EYS: variants seen among roughly 807,000 people sequenced by gnomAD.
The protein encoded by EYS is EGF-like photoreceptor maintenance factor.
A neutral mutation model predicts 282.1 loss-of-function variants in EYS; 250 were observed. That is an observed-to-expected ratio of 0.89 (90% CI 0.80 to 0.98). The LOEUF (loss-of-function observed/expected upper bound fraction) is 0.98, where lower values mean the gene tolerates loss of function less well. Among genes scored for constraint, EYS ranks in the 50% least tolerant of loss-of-function variants. The pLI, the probability that EYS is intolerant of heterozygous loss-of-function variation, is 0.00. For synonymous variants in EYS, 1,355 were observed against 1,282.9 expected (o/e 1.06, Z -1.20); for missense variants, 4,016 against 3,709.0 (o/e 1.08, Z -2.15).
intron 24 of EYS, among the ~76,000 whole-genome samples, chr6:64,616,149 C>A (rs999715299): frequency 6.6e-6 from 1 of 151,974 alleles, no homozygotes; most frequent in African/African-American, 2.4e-5. Flanking sequence ...TAGATTCCTA[C>A]GTATCTAAGG....
At chr6:64,600,522 T>C (rs1766731178) in intron 24 of EYS, among the ~76,000 whole-genome samples, 1 of 152,178 alleles carries the variant, frequency 6.6e-6, no homozygotes, top group Non-Finnish European at 1.5e-5. Flanking sequence ...GTTACTGGGC[T>C]AGATAAATAT....
intron 22 of EYS, among the ~76,000 whole-genome samples, chr6:64,768,279 T>C (rs1474311023): frequency 1.3e-5 from 2 of 152,076 alleles, no homozygotes; most frequent in East Asian, 3.9e-4. Flanking sequence ...AATAGAACAC[T>C]TTGAGAAATT....
chr6:63,803,692 T>C (rs766811707), intron 37 of EYS, among the ~76,000 whole-genome samples: 2 of 152,220 alleles, frequency 1.3e-5, no homozygotes, highest in Non-Finnish European at 2.9e-5. Context: ...TTTGTTCTTA[T>C]TGTGGTTATT....
chr6:64,159,089 A>G (rs956209764), intron 31 of EYS, among the ~76,000 whole-genome samples: 2 of 152,198 alleles, frequency 1.3e-5, no homozygotes, highest in African/African-American at 4.8e-5. Context: ...AAATCCCCAC[A>G]AATCCCCAAA....
chr6:64,446,327 C>A (rs1194684135), intron 26 of EYS, among the ~76,000 whole-genome samples: 11 of 151,930 alleles, frequency 7.2e-5, no homozygotes. Flanking sequence ...CTCTCTACTG[C>A]AACAGAGTTT....
intron 35 of EYS, among the ~76,000 whole-genome samples, chr6:63,946,454 T>C (rs868289395): frequency 1.3e-5 from 2 of 152,228 alleles, no homozygotes; most frequent in Middle Eastern, 3.2e-3. Context: ...TAGATTTTTT[T>C]AGTAGAAAGT....
In EYS at chr6:64,196,779, G is replaced by A. The variant is rs369117040; in HGVS notation, c.6424+33813C>T. On this transcript the variant is annotated intron_variant, in intron 31 of 42. Coordinates refer to ENST00000503581, the MANE Select transcript of EYS (RefSeq NM_001142800.2). ...GGAGGGGGGAGGGATAGCATTAGGA[G>A]ATATACCTAATGCTAAATGATGAGT... is the stretch of plus-strand genomic sequence containing the variant. Among the ~76,000 whole-genome samples, 3 of 151,010 alleles carry A rather than the reference G, an allele frequency of 2.0e-5. No homozygotes were observed. The South Asian group carries it at 6.4e-4, about 32-fold the overall frequency.
intron 12 of EYS, among the ~76,000 whole-genome samples, chr6:65,271,132 A>ATATATATATATATATATATT (rs1400981434): frequency 9.0e-6 from 1 of 110,666 alleles, no homozygotes; most frequent in Admixed American, 8.8e-5. Flanking sequence ...AATAGATTAT[A>ATATATATATATATATATATT]TATATATATA....
chr6:64,765,879 C>T (rs62415480), intron 22 of EYS, among the ~76,000 whole-genome samples: 15,135 of 151,734 alleles, frequency 0.1, 990 homozygotes, highest in East Asian at 0.21. Flanking sequence ...GTGGGGATAC[C>T]GAGCCAAAAA....
At chr6:63,954,770 G>A (rs1765743141) in intron 35 of EYS, among the ~76,000 whole-genome samples, 1 of 152,040 alleles carries the variant, frequency 6.6e-6, no homozygotes, top group South Asian at 2.1e-4. Flanking sequence ...ATGGTTCTTG[G>A]ACCAAGGAAA....
intron 31 of EYS, among the ~76,000 whole-genome samples, chr6:64,133,251 G>T (rs569474141): frequency 1.3e-5 from 2 of 151,672 alleles, no homozygotes; most frequent in South Asian, 4.2e-4. Flanking sequence ...GCTCATACAT[G>T]GACATTTTTT....
intron 29 of EYS, among the ~76,000 whole-genome samples, chr6:64,338,436 C>A (rs1770947508): frequency 6.6e-6 from 1 of 151,398 alleles, no homozygotes; most frequent in Non-Finnish European, 1.5e-5. Context: ...AGGTGAAAAA[C>A]CTCCTCAAGG....
rs1035545447 is a variant in EYS, at chr6:63,754,276, T to C, written c.8071+8185A>G. 3.3e-5 allele frequency among the ~76,000 whole-genome samples: 5 copies of C among 152,072 alleles called. No individual in the cohort carries two copies. The East Asian group carries it at 9.6e-4, about 29-fold the overall frequency. ...GTTACATAGGTATACATGTGTGATGTTGGTTTGCTGCACCCATCTACTTGT... is the reference window on the plus strand; with the variant it reads ...GTTACATAGGTATACATGTGTGATGCTGGTTTGCTGCACCCATCTACTTGT... On this transcript the variant is annotated intron_variant, in intron 41 of 42. Transcript: ENST00000503581.
rs1414758922 is a variant in EYS at position 65,405,256 on chromosome 6, G to C, written c.974C>G (p.Ser325Cys). 6.2e-7 allele frequency: 1 copy of C among 1,613,206 alleles called. No homozygotes were observed. The highest frequency in any genetic ancestry group is 8.5e-7 in the Non-Finnish European group (1 of 1,179,506). ...AYTYECPKGS[S>C]SQNGETDVSE... ...GACATCAGTTTCACCATTTTGGCTG[G>C]AAGATCCTTTTGGGCATTCATAAGT... Residue 325 changes from serine (S) to cysteine (C), a missense_variant, in exon 6 of 43, where the codon TCC becomes TGC. Coordinates refer to ENST00000503581, the MANE Select transcript of EYS (RefSeq NM_001142800.2).
intron 28 of EYS, among the ~76,000 whole-genome samples, chr6:64,430,722 C>T (rs775347261): frequency 2.3e-4 from 35 of 152,184 alleles, no homozygotes; most frequent in African/African-American, 4.3e-4. Context: ...TCCAGCTTCC[C>T]TTGTCATGAA....
intron 19 of EYS, among the ~76,000 whole-genome samples, chr6:64,832,249 GA>G (rs1765242971): frequency 6.6e-6 from 1 of 151,774 alleles, no homozygotes; most frequent in South Asian, 2.1e-4. Context: ...ATACAATCAG[GA>G]AATTTTATTT....
intron 24 of EYS, among the ~76,000 whole-genome samples, chr6:64,596,345 A>T (rs76577545): frequency 0.011 from 1,710 of 152,314 alleles, 48 homozygotes; most frequent in East Asian, 0.11. Context: ...GATATTTTTC[A>T]GAGAGATAGG....
intron 30 of EYS, among the ~76,000 whole-genome samples, chr6:64,269,550 A>C (rs1767871719): frequency 6.6e-6 from 1 of 152,034 alleles, no homozygotes; most frequent in African/African-American, 2.4e-5. Flanking sequence ...AAAGTGTTCT[A>C]ATTGTAATTA....
chr6:64,850,720 T>C (rs1765857466), intron 19 of EYS, among the ~76,000 whole-genome samples: 1 of 152,052 alleles, frequency 6.6e-6, no homozygotes, highest in South Asian at 2.1e-4. Context: ...GGTAACATAA[T>C]AGACATTAAT....
Sources: gnomAD v4.1 joint callset for allele counts (sites outside exome capture counted in the v4.1 genomes callset) on GRCh38, gnomAD v4.1.1 for gene constraint, MANE v1.5 for transcripts, NCBI Gene and HGNC (gene_info 2026-07-23, HGNC 2026-07-21) for gene names.